The following PCDH15 variants were observed in gnomAD, a reference collection of about 807,000 sequenced individuals.
The protein encoded by PCDH15 is protocadherin-15.
Under a neutral mutation model 178.5 loss-of-function variants are expected in PCDH15, and 129 were observed. That is an observed-to-expected ratio of 0.72 (90% CI 0.63 to 0.84). PCDH15 has a LOEUF of 0.84. Ranked by LOEUF, PCDH15 falls within the 40% of genes least tolerant of loss-of-function variation. PCDH15 has a pLI of 0.00. For synonymous variants in PCDH15, 800 were observed against 732.0 expected (o/e 1.09, Z -1.50); for missense variants, 2,230 against 2,099.9 (o/e 1.06, Z -1.21).
rs80067869 is a variant in PCDH15, at chr10:54,220,373, G to A, written c.986-6325C>T. ...TAAGTAAAATATTCTGAACTCTCAC[G>A]GCTAGTAAATGACTAGGTCAGAAGT... On this transcript the variant is annotated intron_variant, in intron 9 of 37. Coordinates refer to ENST00000644397, the MANE Select transcript of PCDH15 (RefSeq NM_001384140.1). Among the ~76,000 whole-genome samples the A allele has an allele frequency of 9.6e-3, 1,463 of 152,198 alleles. 20 individuals carry two copies. Among genetic ancestry groups the A allele is most frequent in the African/African-American group, 0.031 (1,267 of 41,512 alleles).
Position 54,344,904 on chromosome 10 carries a change from CAAAA to C in PCDH15, c.594+1457_594+1460del, listed in dbSNP as rs57295345. On this transcript the variant is annotated intron_variant, in intron 6 of 37. Transcript: ENST00000644397. The stretch of plus-strand genomic sequence containing the variant: ...AAAGTCCTCTTTTAGAGAAACAAAG[CAAAA>C]AAAAAAAAAAAAAAAAAACAAGACT... 1.3e-3 allele frequency among the ~76,000 whole-genome samples: 99 copies of C among 78,884 alleles called. 1 individual carries two copies. The highest frequency in any genetic ancestry group is 1.8e-3 in the African/African-American group (37 of 20,422). The allele number at this position is 78,884 out of a possible 152,430, so 51.8% of individuals were successfully genotyped here.
chr10:54,369,102 G>GA lies in PCDH15; in HGVS notation c.474+17dup. 1 of 1,611,702 alleles carries GA rather than the reference G, an allele frequency of 6.2e-7. No homozygotes were observed. The highest frequency in any genetic ancestry group is 1.1e-5 in the South Asian group (1 of 91,030). On this transcript the variant is annotated intron_variant, in intron 5 of 37. Transcript: ENST00000644397. ...TATATCAACAGAAAGGACAGAGAGA[G>GA]AGTAAATAGAAACTGACCTCATTCA... is the stretch of plus-strand genomic sequence containing the variant.
chr10:54,750,940 A>G (rs1305407300), intron 1 of PCDH15, among the ~76,000 whole-genome samples: 1 of 152,112 alleles, frequency 6.6e-6, no homozygotes, highest in Non-Finnish European at 1.5e-5. Context: ...GTAGTTGCCA[A>G]GAAGTACCAG....
At chr10:54,084,497 A>T (rs945735464) in intron 16 of PCDH15, among the ~76,000 whole-genome samples, 3 of 151,750 alleles carry the variant, frequency 2.0e-5, no homozygotes, top group Non-Finnish European at 4.4e-5. Context: ...ATAAAAAAAT[A>T]AAAATTATCA....
rs181280740 is a variant in PCDH15 at position 55,621,830 on chromosome 10, T to C, written c.-156+5795A>G. Among the ~76,000 whole-genome samples, 541 of 150,628 alleles carry C rather than the reference T, an allele frequency of 3.6e-3. 2 individuals carry two copies. The highest frequency in any genetic ancestry group is 0.014 in the Middle Eastern group (4 of 292). ...TACAAAAAAAAAAGTTCAATAAATA[T>C]AGGAAAAAACTCTAACATCATATGT... On this transcript the variant is annotated intron_variant, in intron 2 of 5. Transcript: ENST00000613346.
chr10:55,487,158 A>G (rs1467802746), intron 2 of PCDH15, among the ~76,000 whole-genome samples: 1 of 151,608 alleles, frequency 6.6e-6, no homozygotes, highest in East Asian at 2.0e-4. Flanking sequence ...TTATGATTAC[A>G]TTGTTTGACC....
chr10:55,388,307 A>G (rs1837709970), intron 2 of PCDH15, among the ~76,000 whole-genome samples: 1 of 152,066 alleles, frequency 6.6e-6, no homozygotes, highest in African/African-American at 2.4e-5. Flanking sequence ...TTCTAGATCT[A>G]TAACTCTTAG....
chr10:53,838,840 A>G (rs917216336), intron 29 of PCDH15, among the ~76,000 whole-genome samples: 4 of 152,100 alleles, frequency 2.6e-5, no homozygotes, highest in Non-Finnish European at 5.9e-5. Flanking sequence ...AGTGCGAGCT[A>G]TTACTTCATT....
chr10:55,064,490 A>G (rs1442284846), intron 2 of PCDH15, among the ~76,000 whole-genome samples: 13 of 152,134 alleles, frequency 8.5e-5, no homozygotes, highest in Non-Finnish European at 1.9e-4. Context: ...AGGTTGGGGC[A>G]TATAATCTCT....
chr10:55,203,097 G>T lies in PCDH15; in HGVS notation c.-155-36446C>A, dbSNP rs1022445314. On this transcript the variant is annotated intron_variant, in intron 1 of 5. Transcript: ENST00000458638. ...TATCATGCCCCTCTGAGATACCAGC[G>T]CCAGCATGCCCTAGTGCCCTCCTGA... Among the ~76,000 whole-genome samples, 5 of 152,126 alleles carry T rather than the reference G, an allele frequency of 3.3e-5. No homozygotes were observed. In the East Asian group the frequency reaches 9.7e-4, roughly 29 times the overall value.
At chr10:55,415,061 GCCTTTATTA>G (rs1327366717) in intron 2 of PCDH15, among the ~76,000 whole-genome samples, 1 of 151,502 alleles carries the variant, frequency 6.6e-6, no homozygotes, top group Non-Finnish European at 1.5e-5. Context: ...TTTATAAATG[GCCTTTATTA>G]AGGTGAGGGA....
chr10:55,166,421 CAACAT>C (rs1839199325), intron 2 of PCDH15, among the ~76,000 whole-genome samples: 1 of 152,044 alleles, frequency 6.6e-6, no homozygotes, highest in African/African-American at 2.4e-5. Context: ...TATGTGAATC[CAACAT>C]AACATATATC....
At chr10:55,141,661 CTT>C (rs1838356350) in intron 2 of PCDH15, among the ~76,000 whole-genome samples, 1 of 151,908 alleles carries the variant, frequency 6.6e-6, no homozygotes, top group Admixed American at 6.6e-5. Context: ...AAGACAGAGT[CTT>C]AAAATAATTT....
chr10:55,561,299 T>C (rs568054495), intron 2 of PCDH15, among the ~76,000 whole-genome samples: 1 of 152,004 alleles, frequency 6.6e-6, no homozygotes, highest in East Asian at 1.9e-4. Flanking sequence ...TTTTCAAAAC[T>C]AGATTAATGT....
chr10:54,565,734 A>G (rs2088928168), intron 2 of PCDH15, among the ~76,000 whole-genome samples: 1 of 152,196 alleles, frequency 6.6e-6, no homozygotes, highest in Admixed American at 6.5e-5. Context: ...TCTTTTATGC[A>G]GATTATATCT....
rs561894731 is a variant in PCDH15 at position 55,475,721 on chromosome 10, G to T, written c.-156+151904C>A. Among the ~76,000 whole-genome samples, 35 of 152,234 alleles carry T rather than the reference G, an allele frequency of 2.3e-4. No individual in the cohort carries two copies. In the South Asian group the frequency reaches 6.4e-3, roughly 28 times the overall value. ...TCTCATCACCAAGATATCTCATTAT[G>T]TATATGCAAATATGCCAAATTAAAA... is the stretch of plus-strand genomic sequence containing the variant. On this transcript the variant is annotated intron_variant, in intron 2 of 5. Coordinates refer to the PCDH15 transcript ENST00000613346.
At chr10:55,389,105 A>G (rs1318170136) in intron 2 of PCDH15, among the ~76,000 whole-genome samples, 1 of 152,070 alleles carries the variant, frequency 6.6e-6, no homozygotes, top group Non-Finnish European at 1.5e-5. Context: ...GGGTAAATGA[A>G]CTCCCAATGA....
intron 28 of PCDH15, among the ~76,000 whole-genome samples, chr10:53,848,904 T>A (rs906702291): frequency 6.6e-6 from 1 of 152,134 alleles, no homozygotes; most frequent in Admixed American, 6.5e-5. Context: ...AACATAAACA[T>A]ATTTATCTTT....
rs2054672500 is a variant in PCDH15 at position 54,236,835 on chromosome 10, A to C, written c.973T>G (p.Ser325Ala). The change falls in exon 9 of 38, where the codon TCC becomes GCC. Residue 325 changes from serine to alanine, a missense_variant. Physicochemically the swap from Ser to Ala is moderately conservative, Grantham distance 99. Transcript: ENST00000644397. ...PPSDRPGILY[S>A]ILVGTPEDYP... ...ATCAGATACAAACCAACAAGGATGGAATAGAGGATTCCTGGCCTATCTGAT... is the reference window on the plus strand; with the variant it reads ...ATCAGATACAAACCAACAAGGATGGCATAGAGGATTCCTGGCCTATCTGAT... 3 of 1,611,882 alleles carry C rather than the reference A, an allele frequency of 1.9e-6. No homozygotes were observed. The East Asian group carries it at 6.7e-5, about 36-fold the overall frequency.
Sources: gnomAD v4.1 joint callset for allele counts (sites outside exome capture counted in the v4.1 genomes callset) on GRCh38, gnomAD v4.1.1 for gene constraint, MANE v1.5 for transcripts, NCBI Gene and HGNC (gene_info 2026-07-23, HGNC 2026-07-21) for gene names.